CAST: variants seen among roughly 807,000 people sequenced by gnomAD.
CAST encodes MIR583 host.
A neutral mutation model predicts 119.6 loss-of-function variants in CAST; 76 were observed. The ratio of observed to expected loss-of-function variants is 0.64; its 90% CI spans 0.53 to 0.77. The LOEUF (loss-of-function observed/expected upper bound fraction) is 0.77, where lower values mean the gene tolerates loss of function less well. Ranked by LOEUF, CAST falls within the 30% of genes least tolerant of loss-of-function variation. The pLI is 0.00. For missense variants in CAST, 953 were observed against 946.5 expected, an observed-to-expected ratio of 1.01 and a Z score of -0.09; for synonymous variants, 319 against 331.6, an observed-to-expected ratio of 0.96 and a Z score of 0.41.
chr5:96,249,623 T>C, the CAST span, among the ~76,000 whole-genome samples: 1 of 152,256 alleles, frequency 6.6e-6, no homozygotes, highest in Admixed American at 6.5e-5. Flanking sequence ...AACTGAAAAG[T>C]CAGTCATTTT....
the CAST span, among the ~76,000 whole-genome samples, chr5:96,252,839 G>A: frequency 6.6e-6 from 1 of 152,138 alleles, no homozygotes; most frequent in Admixed American, 6.6e-5. Flanking sequence ...GGGATGAAGA[G>A]AAATAGCAAG....
At chr5:96,735,590 G>T (rs1581187219) in intron 9 of CAST, among the ~76,000 whole-genome samples, 1 of 152,234 alleles carries the variant, frequency 6.6e-6, no homozygotes, top group Non-Finnish European at 1.5e-5. Context: ...GTGCCGAAAG[G>T]TGGCAATGGG....
At chr5:96,578,153 A>C (rs1746706364) in intron 1 of CAST, among the ~76,000 whole-genome samples, 3 of 152,096 alleles carry the variant, frequency 2.0e-5, no homozygotes, top group African/African-American at 7.2e-5. Context: ...CTAGTGAACT[A>C]ATTCTTTTAT....
chr5:96,277,883 A>G, the CAST span, among the ~76,000 whole-genome samples: 1 of 152,180 alleles, frequency 6.6e-6, no homozygotes, highest in Non-Finnish European at 1.5e-5. Context: ...AAATGATTTG[A>G]TAATAGCAGC....
At chr5:96,324,881 A>G in the CAST span, among the ~76,000 whole-genome samples, 2,613 of 152,212 alleles carry the variant, frequency 0.017, 83 homozygotes, top group African/African-American at 0.06. Flanking sequence ...TCATTGTTCC[A>G]TATGATCCTT....
At chr5:96,550,268 A>T (rs907070891) in intron 1 of CAST, among the ~76,000 whole-genome samples, 1 of 152,220 alleles carries the variant, frequency 6.6e-6, no homozygotes, top group Non-Finnish European at 1.5e-5. Flanking sequence ...AACCCAGGCA[A>T]ACAGGGTCTG....
intron 3 of CAST, 49 bp from the exon 4 acceptor site, chr5:96,722,590 T>G: frequency 1.5e-6 from 2 of 1,366,580 alleles, no homozygotes; most frequent in Non-Finnish European, 2.1e-6. Context: ...ACCATGTAGA[T>G]TGTAGGTTAA....
chr5:96,765,980 C>A, intron 26 of CAST, 73 bp from the exon 27 acceptor site: 1 of 855,284 alleles, frequency 1.2e-6, no homozygotes, highest in Non-Finnish European at 1.9e-6. Context: ...ATGCTGAATG[C>A]TGCATTTGAC....
At chr5:96,668,024 A>T (rs982646029) in intron 1 of CAST, among the ~76,000 whole-genome samples, 6 of 152,232 alleles carry the variant, frequency 3.9e-5, no homozygotes, top group Admixed American at 2.6e-4. Context: ...CAATAAATAA[A>T]TGAATAAATA....
the CAST span, among the ~76,000 whole-genome samples, chr5:96,252,657 T>G: frequency 6.6e-6 from 1 of 152,186 alleles, no homozygotes; most frequent in Non-Finnish European, 1.5e-5. Context: ...CTTGATAAGC[T>G]TCACATTTTA....
At chr5:96,142,792 G>T in the CAST span, among the ~76,000 whole-genome samples, 1 of 152,166 alleles carries the variant, frequency 6.6e-6, no homozygotes, top group Non-Finnish European at 1.5e-5. Flanking sequence ...TTTGTGTGAG[G>T]CTTGGCAGCT....
intron 1 of CAST, among the ~76,000 whole-genome samples, chr5:96,634,999 A>G (rs543838902): frequency 6.6e-6 from 1 of 152,342 alleles, no homozygotes; most frequent in African/African-American, 2.4e-5. Context: ...TGTGATACAG[A>G]CTTACAGTAT....
At chr5:96,291,118 A>G in the CAST span, among the ~76,000 whole-genome samples, 1 of 152,236 alleles carries the variant, frequency 6.6e-6, no homozygotes, top group Non-Finnish European at 1.5e-5. Context: ...GATCTTCCAG[A>G]CACAATCAAA....
At chr5:96,129,720 A>G in the CAST span, among the ~76,000 whole-genome samples, 1 of 152,136 alleles carries the variant, frequency 6.6e-6, no homozygotes, top group Non-Finnish European at 1.5e-5. Context: ...TCTATATTAT[A>G]CATATTAAGA....
chr5:96,292,340 C>G, the CAST span, among the ~76,000 whole-genome samples: 3 of 152,116 alleles, frequency 2.0e-5, no homozygotes, highest in African/African-American at 7.2e-5. Context: ...AGTTGTATAA[C>G]GTAAATATGT....
At chr5:96,664,462 A>G (rs1255073020) in intron 1 of CAST, among the ~76,000 whole-genome samples, 2 of 151,844 alleles carry the variant, frequency 1.3e-5, no homozygotes, top group African/African-American at 4.8e-5. Flanking sequence ...CTCTCTCACT[A>G]TGTTGCCCAG....
At chr5:96,701,740 G>A (rs1467255929) in intron 3 of CAST, among the ~76,000 whole-genome samples, 1 of 151,636 alleles carries the variant, frequency 6.6e-6, no homozygotes, top group Non-Finnish European at 1.5e-5. Flanking sequence ...GGGAGGTGGA[G>A]GTTGCAGTGA....
chr5:96,758,258 A>AT (rs1766784506), intron 24 of CAST, among the ~76,000 whole-genome samples: 1 of 152,210 alleles, frequency 6.6e-6, no homozygotes, highest in Non-Finnish European at 1.5e-5. Context: ...TATTTCTACA[A>AT]TTTATCATTT....
chr5:96,513,506 C>T, the CAST span, among the ~76,000 whole-genome samples: 1 of 152,160 alleles, frequency 6.6e-6, no homozygotes, highest in Admixed American at 6.5e-5. Flanking sequence ...AAATAAGTCA[C>T]TGGTCAGGTG....
Sources: gnomAD v4.1 joint callset for allele counts (sites outside exome capture counted in the v4.1 genomes callset) on GRCh38, gnomAD v4.1.1 for gene constraint, MANE v1.5 for transcripts, NCBI Gene and HGNC (gene_info 2026-07-23, HGNC 2026-07-21) for gene names.